Variants in RNF223 observed in about 807,000 individuals in gnomAD.
The protein encoded by RNF223 is ring finger protein 223.
Under a neutral mutation model 13.9 loss-of-function variants are expected in RNF223, and 10 were observed. The observed-to-expected ratio is 0.72, with a 90% CI of 0.44 to 1.22. The LOEUF (loss-of-function observed/expected upper bound fraction) is 1.22. RNF223 is among the 50% of genes most tolerant of loss of function. RNF223 has a pLI of 0.00. For synonymous variants in RNF223, 168 were observed against 173.3 expected (o/e 0.97, Z 0.24); for missense variants, 379 against 380.0 (o/e 1.00, Z 0.02).
chr1:1,071,917 C>T lies in RNF223; in HGVS notation c.650G>A (p.Cys217Tyr). 1.3e-6 allele frequency: 2 copies of T among 1,534,416 alleles called. No homozygotes were observed. The highest frequency in any genetic ancestry group is 8.7e-7 in the Non-Finnish European group (1 of 1,146,154). Residue 217 changes from cysteine to tyrosine, a missense_variant, in exon 2 of 2, where the codon TGC becomes TAC. Physicochemically the swap from Cys to Tyr is radical, Grantham distance 194. Coordinates refer to ENST00000453464, the MANE Select transcript of RNF223 (RefSeq NM_001205252.2). ...LFCVALWPVQCALKTGNLRCL... is the reference protein window; with the variant it reads ...LFCVALWPVQYALKTGNLRCL... ...GCGCAGGTTCCCGGTCTTGAGCGCG[C>T]ACTGCACCGGCCAGAGTGCCACACA...
At chr1:1,073,625 C>T (rs1483903870) in intron 1 of RNF223, among the ~76,000 whole-genome samples, 1 of 152,122 alleles carries the variant, frequency 6.6e-6, no homozygotes, top group Non-Finnish European at 1.5e-5. Flanking sequence ...CCCTCCCCTG[C>T]ACCCAGGATC....
chr1:1,071,701 T>C lies in RNF223; in HGVS notation c.*116A>G. On this transcript the variant is annotated 3_prime_UTR_variant, in exon 2 of 2. Transcript: ENST00000453464. ...GGTGGAGTCCTCAGAGATGCCAGGC[T>C]CCTTTCGCGTCCTCGGGGACCGACT... 1 of 895,654 alleles carries C rather than the reference T, an allele frequency of 1.1e-6. No homozygotes were observed. Among genetic ancestry groups the C allele is most frequent in the South Asian group, 2.0e-5 (1 of 50,170 alleles). The allele number at this position is 895,654 out of a possible 1,614,324, so 55.5% of individuals were successfully genotyped here. A position where few individuals can be genotyped will look rare whatever the true frequency, so the allele number is the denominator to read the frequency against.
At chr1:1,073,466 C>T (rs1036756728) in intron 1 of RNF223, among the ~76,000 whole-genome samples, 2 of 152,224 alleles carry the variant, frequency 1.3e-5, no homozygotes, top group Admixed American at 6.5e-5. Context: ...CACCCTCAGC[C>T]GCCCACTGAG....
Position 1,072,293 on chromosome 1 carries a change from CG to C in RNF223, c.273del (p.Gly92ValfsTer73). On this transcript the variant is annotated frameshift_variant, in exon 2 of 2. Transcript: ENST00000453464. LOFTEE classifies it high-confidence loss of function. Reference sequence around the variant, plus strand: ...AAGGGGCAAGGTACAGCCTCACCACCGGGGCGGCCCACAGGCTGAGCAGCCG... The same window carrying C: ...AAGGGGCAAGGTACAGCCTCACCACCGGGCGGCCCACAGGCTGAGCAGCCG... ...RLAAAQPVGR[P>X]GGEAVPCPFC... 6.9e-7 allele frequency: 1 copy of C among 1,443,188 alleles called. No individual in the cohort carries two copies. The allele number at this position is 1,443,188 out of a possible 1,614,324, so 89.4% of individuals were successfully genotyped here.
Position 1,072,018 on chromosome 1 carries a change from G to C in RNF223, c.549C>G (p.Arg183=). 1 of 1,494,776 alleles carries C rather than the reference G, an allele frequency of 6.7e-7. No homozygotes were observed. The highest frequency in any genetic ancestry group is 1.3e-5 in the South Asian group (1 of 78,024). 92.6% of individuals were successfully genotyped at this position (1,494,776 alleles called of 1,614,324 possible). The change falls in exon 2 of 2, where the codon CGC becomes CGG. Residue 183 remains arginine, a synonymous_variant. Coordinates refer to ENST00000453464, the MANE Select transcript of RNF223 (RefSeq NM_001205252.2). ...TGCAGCGCGCCCAGCAGCGGGCCAGGCGGCCCCGGCGGGGGGCAGGGTCCC... is the reference window on the plus strand; with the variant it reads ...TGCAGCGCGCCCAGCAGCGGGCCAGCCGGCCCCGGCGGGGGGCAGGGTCCC... ...PARDPAPRRG[R]LARCWARCRD...
chr1:1,071,584 G>C lies in RNF223; in HGVS notation c.*233C>G. 8 of 460,708 alleles carry C rather than the reference G, an allele frequency of 1.7e-5. No individual in the cohort carries two copies. The highest frequency in any genetic ancestry group is 3.0e-5 in the Non-Finnish European group (8 of 263,352). The allele number at this position is 460,708 out of a possible 1,614,324, so 28.5% of individuals were successfully genotyped here. On this transcript the variant is annotated 3_prime_UTR_variant, in exon 2 of 2. Transcript: ENST00000453464. ...CCCGGTGAGACTGTGGTTCTTGGAG[G>C]CTTTGGGGATCCTCTTGTCCACCCC...
At chr1:1,072,851 C>T (rs1164105811) in intron 1 of RNF223, among the ~76,000 whole-genome samples, 4 of 152,200 alleles carry the variant, frequency 2.6e-5, no homozygotes, top group African/African-American at 9.7e-5. Flanking sequence ...TCTCACTGAC[C>T]GCTCGGCAGA....
At chr1:1,073,709 C>T (rs570446168) in intron 1 of RNF223, among the ~76,000 whole-genome samples, 14 of 152,256 alleles carry the variant, frequency 9.2e-5, no homozygotes, top group Non-Finnish European at 1.3e-4. Flanking sequence ...AGGGCCTGGC[C>T]GTGCGTCCCC....
chr1:1,072,075 C>G lies in RNF223; in HGVS notation c.492G>C (p.Leu164Phe). 6.6e-7 allele frequency: 1 copy of G among 1,504,382 alleles called. No individual in the cohort carries two copies. Among genetic ancestry groups the G allele is most frequent in the Non-Finnish European group, 8.8e-7 (1 of 1,133,526 alleles). The allele number at this position is 1,504,382 out of a possible 1,614,324, so 93.2% of individuals were successfully genotyped here. A position where few individuals can be genotyped will look rare whatever the true frequency, so the allele number is the denominator to read the frequency against. Residue 164 changes from leucine to phenylalanine, a missense_variant, in exon 2 of 2, where the codon TTG becomes TTC. Coordinates refer to ENST00000453464, the MANE Select transcript of RNF223 (RefSeq NM_001205252.2). Reference protein sequence around the residue: ...EPGFVCVDVGLSKPAEPPAPA... With the variant: ...EPGFVCVDVGFSKPAEPPAPA... Reference sequence around the variant, plus strand: ...GCGCGGGCGGCTCGGCAGGCTTGCTCAAACCCACGTCCACGCATACGAAAC... The same window carrying G: ...GCGCGGGCGGCTCGGCAGGCTTGCTGAAACCCACGTCCACGCATACGAAAC...
At position 1,072,204 on chromosome 1, in the gene RNF223, C is replaced by T; in HGVS notation, c.363G>A (p.Leu121=). The T allele has an allele frequency of 1.3e-6, 2 of 1,495,858 alleles. No individual in the cohort carries two copies. The highest frequency in any genetic ancestry group is 8.9e-7 in the Non-Finnish European group (1 of 1,129,304). 92.7% of individuals were successfully genotyped at this position (1,495,858 alleles called of 1,614,324 possible). ...GAPALCTSRQ[L]QARMPAHLRR... ...GCAAATGCGCCGGCATCCGGGCCTG[C>T]AGCTGGCGGCTGGTGCACAGCGCGG... The change falls in exon 2 of 2, where the codon CTG becomes CTA. Residue 121 remains leucine (L), a synonymous_variant. Coordinates refer to ENST00000453464, the MANE Select transcript of RNF223 (RefSeq NM_001205252.2).
chr1:1,072,856 G>A lies in RNF223; in HGVS notation c.-9-281C>T, dbSNP rs919828144. Reference sequence around the variant, plus strand: ...TGTAGGGGGGTCTCACTGACCGCTCGGCAGACACCTCCTGTTGGCCCTGCC... The same window carrying A: ...TGTAGGGGGGTCTCACTGACCGCTCAGCAGACACCTCCTGTTGGCCCTGCC... On this transcript the variant is annotated intron_variant, in intron 1 of 1. Coordinates refer to ENST00000453464, the MANE Select transcript of RNF223 (RefSeq NM_001205252.2). 3.3e-5 allele frequency among the ~76,000 whole-genome samples: 5 copies of A among 152,312 alleles called. No homozygotes were observed. In the East Asian group the frequency reaches 5.8e-4, roughly 18 times the overall value.
In RNF223 at chr1:1,071,636, G is replaced by T; in HGVS notation, c.*181C>A. 3.7e-6 allele frequency: 2 copies of T among 533,526 alleles called. No homozygotes were observed. The highest frequency in any genetic ancestry group is 6.5e-6 in the Non-Finnish European group (2 of 307,088). 33.0% of individuals were successfully genotyped at this position (533,526 alleles called of 1,614,324 possible). On this transcript the variant is annotated 3_prime_UTR_variant, in exon 2 of 2. Transcript: ENST00000453464. ...TCAGGACCCAGCCTGGAGAATGAGG[G>T]GTGGACAAGCTAAATGGAGCCTGGT...
At position 1,072,050 on chromosome 1, in the gene RNF223, G is replaced by A. The variant is rs1268795791; in HGVS notation, c.517C>T (p.Pro173Ser). The A allele has an allele frequency of 1.3e-6, 2 of 1,492,376 alleles. No homozygotes were observed. Among genetic ancestry groups the A allele is most frequent in the East Asian group, 2.7e-5 (1 of 37,612 alleles). The allele number at this position is 1,492,376 out of a possible 1,614,324, so 92.4% of individuals were successfully genotyped here. The change falls in exon 2 of 2, where the codon CCC becomes TCC. Residue 173 changes from proline (P) to serine (S), a missense_variant. Pro to Ser is a moderately conservative substitution (Grantham distance 74, BLOSUM62 -1). Coordinates refer to ENST00000453464, the MANE Select transcript of RNF223 (RefSeq NM_001205252.2). ...GLSKPAEPPA[P>S]ARDPAPRRGR... is the part of the protein sequence containing the mutation. ...CGGCGGGGGGCAGGGTCCCGGGCGG[G>A]CGCGGGCGGCTCGGCAGGCTTGCTC...
Position 1,072,131 on chromosome 1 carries a change from G to A in RNF223, c.436C>T (p.Pro146Ser). The A allele has an allele frequency of 6.6e-7, 1 of 1,517,496 alleles. No homozygotes were observed. Among genetic ancestry groups the A allele is most frequent in the Non-Finnish European group, 8.8e-7 (1 of 1,139,722 alleles). The allele number at this position is 1,517,496 out of a possible 1,614,324, so 94.0% of individuals were successfully genotyped here. Reference protein sequence around the residue: ...WLEGTKLCCQPLPTTPGREPG... With the variant: ...WLEGTKLCCQSLPTTPGREPG... ...TCGCGGCCAGGTGTGGTGGGCAGTG[G>A]CTGGCAGCACAGCTTGGTGCCCTCC... The change falls in exon 2 of 2, where the codon CCA becomes TCA. Residue 146 changes from proline to serine, a missense_variant. By Grantham distance (74) the Pro-to-Ser change is moderately conservative. Transcript: ENST00000453464.
rs144434555 is a variant in RNF223 at position 1,071,790 on chromosome 1, G to A, written c.*27C>T. Reference sequence around the variant, plus strand: ...ACGCCCCATGGAGCTGGGCGAGGGCGGCTGACCTGGGCAGAGGCTGCTGGC... The same window carrying A: ...ACGCCCCATGGAGCTGGGCGAGGGCAGCTGACCTGGGCAGAGGCTGCTGGC... On this transcript the variant is annotated 3_prime_UTR_variant, in exon 2 of 2. Transcript: ENST00000453464. 948 of 1,450,724 alleles carry A rather than the reference G, an allele frequency of 6.5e-4. No homozygotes were observed. In the African/African-American group the frequency reaches 0.01, roughly 16 times the overall value. 89.9% of individuals were successfully genotyped at this position (1,450,724 alleles called of 1,614,324 possible).
At chr1:1,073,758 A>G (rs1049538901) in intron 1 of RNF223, among the ~76,000 whole-genome samples, 1 of 151,964 alleles carries the variant, frequency 6.6e-6, no homozygotes, top group Non-Finnish European at 1.5e-5. Context: ...GACTCCTGGC[A>G]CTGCCCCGCC....
rs1645640264 is a variant in RNF223, at chr1:1,071,752, C to T, written c.*65G>A. On this transcript the variant is annotated 3_prime_UTR_variant, in exon 2 of 2. Transcript: ENST00000453464. ...TCCAGTGGCTGCTGTGCCCTTGGGC[C>T]CCCCAGTGGGGGACGCCCCATGGAG... is the stretch of plus-strand genomic sequence containing the variant. 2 of 1,324,732 alleles carry T rather than the reference C, an allele frequency of 1.5e-6. No homozygotes were observed. The highest frequency in any genetic ancestry group is 2.0e-6 in the Non-Finnish European group (2 of 1,015,606). The allele number at this position is 1,324,732 out of a possible 1,614,324, so 82.1% of individuals were successfully genotyped here. A position where few individuals can be genotyped will look rare whatever the true frequency, so the allele number is the denominator to read the frequency against.
Position 1,071,865 on chromosome 1 carries a change from CG to C in RNF223, c.701del (p.Pro234ArgfsTer13). 1 of 1,276,224 alleles carries C rather than the reference CG, an allele frequency of 7.8e-7. No individual in the cohort carries two copies. Among genetic ancestry groups the C allele is most frequent in the Non-Finnish European group, 1.1e-6 (1 of 951,214 alleles). 79.1% of individuals were successfully genotyped at this position (1,276,224 alleles called of 1,614,324 possible). Reference sequence around the variant, plus strand: ...GGGGGGAGGCGGCTGTGCTGGTGGCCGGGGGCCGGGGGGGCAGGGGCAGGCA... The same window carrying C: ...GGGGGGAGGCGGCTGTGCTGGTGGCCGGGGCCGGGGGGGCAGGGGCAGGCA... ...LRCLPLPPRP[P>X]ATSTAASPLG... On this transcript the variant is annotated frameshift_variant, in exon 2 of 2. Coordinates refer to ENST00000453464, the MANE Select transcript of RNF223 (RefSeq NM_001205252.2). LOFTEE classifies it high-confidence loss of function.
Position 1,072,090 on chromosome 1 carries a change from G to A in RNF223, c.477C>T (p.Cys159=). The A allele has an allele frequency of 4.0e-6, 6 of 1,513,388 alleles. No homozygotes were observed. The highest frequency in any genetic ancestry group is 2.6e-5 in the East Asian group (1 of 38,628). The allele number at this position is 1,513,388 out of a possible 1,614,324, so 93.7% of individuals were successfully genotyped here. ...TTPGREPGFV[C]VDVGLSKPAE... ...CAGGCTTGCTCAAACCCACGTCCAC[G>A]CATACGAAACCGGGCTCGCGGCCAG... Residue 159 remains cysteine, a synonymous_variant, in exon 2 of 2, where the codon TGC becomes TGT. Coordinates refer to ENST00000453464, the MANE Select transcript of RNF223 (RefSeq NM_001205252.2).
Sources: allele counts gnomAD v4.1 joint callset (sites outside exome capture counted in the v4.1 genomes callset), GRCh38; gene constraint gnomAD v4.1.1; transcripts MANE v1.5; gene names NCBI Gene and HGNC (gene_info 2026-07-23, HGNC 2026-07-21).